The following MRAP2 variants were observed in gnomAD, a reference collection of about 807,000 sequenced individuals.
MRAP2 encodes the protein melanocortin 2 receptor accessory protein 2.
MRAP2 carries 20 observed loss-of-function variants against 17.4 expected under a neutral mutation model. The ratio of observed to expected loss-of-function variants is 1.15; its 90% CI spans 0.81 to 1.67. MRAP2 has a LOEUF of 1.67. Among genes scored for constraint, MRAP2 ranks in the 40% most tolerant of loss-of-function variants. The pLI is 0.00. For synonymous variants in MRAP2, 96 were observed against 88.4 expected, an observed-to-expected ratio of 1.09 and a Z score of -0.48; for missense variants, 238 against 240.0, an observed-to-expected ratio of 0.99 and a Z score of 0.05.
chr6:84,061,581 G>A (rs1417067285), intron 2 of MRAP2, among the ~76,000 whole-genome samples: 1 of 152,222 alleles, frequency 6.6e-6, no homozygotes, highest in Non-Finnish European at 1.5e-5. Flanking sequence ...AGTAGATAGT[G>A]TAGCGGATGG....
the MRAP2 span, among the ~76,000 whole-genome samples, chr6:84,140,004 A>G: frequency 6.7e-6 from 1 of 150,264 alleles, no homozygotes; most frequent in East Asian, 1.9e-4. Flanking sequence ...CCCAGTAAGA[A>G]AAAGAAAGGA....
chr6:84,134,394 GA>G, the MRAP2 span, among the ~76,000 whole-genome samples: 15 of 152,072 alleles, frequency 9.9e-5, no homozygotes, highest in East Asian at 2.7e-3. Context: ...ACTGTGGTAT[GA>G]AAAAAAACTC....
chr6:84,077,164 G>T (rs945518915), intron 3 of MRAP2, among the ~76,000 whole-genome samples: 3 of 152,248 alleles, frequency 2.0e-5, no homozygotes, highest in Admixed American at 2.0e-4. Flanking sequence ...ACACAAGGCA[G>T]AAAAGGATGC....
chr6:84,129,479 G>A, the MRAP2 span, among the ~76,000 whole-genome samples: 1 of 152,154 alleles, frequency 6.6e-6, no homozygotes, highest in Admixed American at 6.5e-5. Context: ...CTGCATAAAT[G>A]TCTTCTTTTG....
chr6:84,118,721 G>A, the MRAP2 span, among the ~76,000 whole-genome samples: 2 of 152,026 alleles, frequency 1.3e-5, no homozygotes, highest in Non-Finnish European at 2.9e-5. Flanking sequence ...AAGCCAGTGT[G>A]TCTTATCTTG....
rs1463344795 is a variant in MRAP2 at position 84,089,478 on chromosome 6, T to C, written c.615T>C (p.Asp205=). 4 of 1,611,296 alleles carry C rather than the reference T, an allele frequency of 2.5e-6. No individual in the cohort carries two copies. Among genetic ancestry groups the C allele is most frequent in the African/African-American group, 2.7e-5 (2 of 74,816 alleles). ...CCCAGACCTCACACAAAGACCTGGA[T>C]TGAGAAACATGCTCTGTAAAGGGTC... ...PLSQTSHKDL[D] The change falls in exon 4 of 4, where the codon GAT becomes GAC. Residue 205 remains aspartate (D), a synonymous_variant. Coordinates refer to ENST00000257776, the MANE Select transcript of MRAP2 (RefSeq NM_138409.4).
chr6:84,101,996 C>A, the MRAP2 span, among the ~76,000 whole-genome samples: 1 of 151,898 alleles, frequency 6.6e-6, no homozygotes, highest in African/African-American at 2.4e-5. Context: ...AGTGTGTGTG[C>A]ATGTATACAA....
intron 1 of MRAP2, among the ~76,000 whole-genome samples, chr6:84,049,324 C>T (rs1045962346): frequency 6.6e-6 from 1 of 152,040 alleles, no homozygotes; most frequent in African/African-American, 2.4e-5. Flanking sequence ...ACTAGGGAAG[C>T]TGAGGCAGGA....
At chr6:84,059,175 T>C (rs2099492430) in intron 2 of MRAP2, among the ~76,000 whole-genome samples, 1 of 152,196 alleles carries the variant, frequency 6.6e-6, no homozygotes, top group South Asian at 2.1e-4. Flanking sequence ...ACTAAAGGAA[T>C]AGCCTCTTAA....
At chr6:84,053,026 G>A (rs1046727771) in intron 1 of MRAP2, among the ~76,000 whole-genome samples, 2 of 152,126 alleles carry the variant, frequency 1.3e-5, no homozygotes, top group African/African-American at 4.8e-5. Context: ...CACACTGACC[G>A]GCCCCATGAG....
At chr6:84,133,649 T>C in the MRAP2 span, among the ~76,000 whole-genome samples, 7 of 152,342 alleles carry the variant, frequency 4.6e-5, no homozygotes, top group African/African-American at 1.2e-4. Context: ...TCTGTGGGCA[T>C]TGGACCCTCT....
At chr6:84,111,302 C>T in the MRAP2 span, among the ~76,000 whole-genome samples, 1 of 152,114 alleles carries the variant, frequency 6.6e-6, no homozygotes, top group South Asian at 2.1e-4. Flanking sequence ...TTGTAGTTCT[C>T]CTTGAAGCAG....
the MRAP2 span, among the ~76,000 whole-genome samples, chr6:84,113,471 T>C: frequency 6.6e-6 from 1 of 152,246 alleles, no homozygotes; most frequent in East Asian, 1.9e-4. Flanking sequence ...TTGGAGCCTA[T>C]GTGTGTCTCT....
At chr6:84,036,305 G>A (rs189019415) in intron 1 of MRAP2, among the ~76,000 whole-genome samples, 6 of 152,220 alleles carry the variant, frequency 3.9e-5, no homozygotes, top group Non-Finnish European at 7.4e-5. Context: ...AATAATATGA[G>A]GGTTGAGCAA....
At chr6:84,097,300 C>A in the MRAP2 span, among the ~76,000 whole-genome samples, 36 of 152,260 alleles carry the variant, frequency 2.4e-4, no homozygotes, top group Non-Finnish European at 4.9e-4. Flanking sequence ...AGATACGAGC[C>A]CACTCTTTTC....
chr6:84,108,677 A>C, the MRAP2 span, among the ~76,000 whole-genome samples: 8 of 152,226 alleles, frequency 5.3e-5, no homozygotes, highest in East Asian at 1.5e-3. Context: ...GAAGCTCTTT[A>C]GTTAGATCCC....
downstream of MRAP2, among the ~76,000 whole-genome samples, chr6:84,094,236 G>A (rs1310155502): frequency 6.6e-6 from 1 of 152,072 alleles, no homozygotes; most frequent in Non-Finnish European, 1.5e-5. Flanking sequence ...TTTCTTTTGA[G>A]ACAATAGCAA....
the MRAP2 span, among the ~76,000 whole-genome samples, chr6:84,116,006 C>G: frequency 1.3e-5 from 2 of 152,144 alleles, no homozygotes; most frequent in African/African-American, 4.8e-5. Context: ...GAGCTGCAGA[C>G]CAGAGCTGTT....
chr6:84,060,979 G>A lies in MRAP2; in HGVS notation c.128-1914G>A, dbSNP rs377730371. On this transcript the variant is annotated intron_variant, in intron 2 of 3. Transcript: ENST00000257776. Reference sequence around the variant, plus strand: ...CTCCCAAAGTGCTGGGATTACAGGCGTGAGCCACTGCGCCTGGCCCTTATG... The same window carrying A: ...CTCCCAAAGTGCTGGGATTACAGGCATGAGCCACTGCGCCTGGCCCTTATG... Among the ~76,000 whole-genome samples the A allele has an allele frequency of 4.6e-5, 7 of 151,866 alleles. No individual in the cohort carries two copies. In the East Asian group the frequency reaches 9.7e-4, roughly 21 times the overall value.
Sources: gnomAD v4.1 joint callset for allele counts (sites outside exome capture counted in the v4.1 genomes callset) on GRCh38, gnomAD v4.1.1 for gene constraint, MANE v1.5 for transcripts, NCBI Gene and HGNC (gene_info 2026-07-23, HGNC 2026-07-21) for gene names.